STK24: variants seen among roughly 807,000 people sequenced by gnomAD.
STK24 encodes serine/threonine kinase 24.
STK24 carries 21 observed loss-of-function variants against 55.6 expected under a neutral mutation model. The ratio of observed to expected loss-of-function variants is 0.38; its 90% CI spans 0.27 to 0.54. The LOEUF (loss-of-function observed/expected upper bound fraction) is 0.54, where lower values mean the gene tolerates loss of function less well. STK24 is among the 20% of genes least tolerant of loss of function. The pLI is 0.79. For missense variants in STK24, 383 were observed against 538.4 expected (o/e 0.71, Z 2.86); for synonymous variants, 200 against 215.2 (o/e 0.93, Z 0.62).
chr13:98,464,262 A>G (rs1417877555), intron 6 of STK24, among the ~76,000 whole-genome samples: 1 of 151,708 alleles, frequency 6.6e-6, no homozygotes, highest in Non-Finnish European at 1.5e-5. Context: ...CTAAAAATAC[A>G]AAAAAATTTA....
At chr13:98,532,805 G>T (rs888890745) in intron 1 of STK24, among the ~76,000 whole-genome samples, 1 of 152,146 alleles carries the variant, frequency 6.6e-6, no homozygotes, top group African/African-American at 2.4e-5. Flanking sequence ...TTACTACAAT[G>T]TAAGTTCTTC....
At chr13:98,500,527 T>C (rs1435225866) in intron 2 of STK24, among the ~76,000 whole-genome samples, 3 of 152,330 alleles carry the variant, frequency 2.0e-5, no homozygotes, top group African/African-American at 7.2e-5. Context: ...CTAAACCTGA[T>C]GCGTCCAAAC....
chr13:98,517,399 G>A (rs1358019357), intron 2 of STK24, among the ~76,000 whole-genome samples: 1 of 152,178 alleles, frequency 6.6e-6, no homozygotes, highest in Non-Finnish European at 1.5e-5. Flanking sequence ...GCTGAGGCAG[G>A]TGGATCACCT....
chr13:98,465,824 A>G (rs1893907179), intron 6 of STK24, among the ~76,000 whole-genome samples: 1 of 152,222 alleles, frequency 6.6e-6, no homozygotes, highest in Admixed American at 6.5e-5. Flanking sequence ...CCTAATTCAG[A>G]CAGAAAATGA....
chr13:98,555,299 C>T (rs1220502035), intron 1 of STK24, among the ~76,000 whole-genome samples: 5 of 151,776 alleles, frequency 3.3e-5, no homozygotes, highest in African/African-American at 7.3e-5. Context: ...AACTCACTCT[C>T]GGCCAGGCAC....
At chr13:98,485,103 T>C (rs1044979186) in intron 2 of STK24, among the ~76,000 whole-genome samples, 3 of 152,168 alleles carry the variant, frequency 2.0e-5, no homozygotes, top group South Asian at 2.1e-4. Flanking sequence ...TTCAACCTCA[T>C]TGGGTGTGTC....
chr13:98,469,331 T>C (rs967624666), intron 5 of STK24, among the ~76,000 whole-genome samples: 6 of 152,138 alleles, frequency 3.9e-5, no homozygotes, highest in African/African-American at 1.2e-4. Flanking sequence ...GGCAGATCAC[T>C]TGAAGCCAGG....
chr13:98,469,638 C>T (rs557568318), intron 5 of STK24, among the ~76,000 whole-genome samples: 2 of 152,082 alleles, frequency 1.3e-5, no homozygotes, highest in Non-Finnish European at 2.9e-5. Flanking sequence ...CTCTTTGGAC[C>T]CTCCTAAATC....
intron 1 of STK24, among the ~76,000 whole-genome samples, chr13:98,571,295 C>A (rs998539462): frequency 2.0e-5 from 3 of 152,154 alleles, no homozygotes; most frequent in African/African-American, 7.2e-5. Context: ...CCACATTAGG[C>A]AGCTCAGCTC....
rs1439301141 is a variant in STK24, at chr13:98,446,819, T to A, written c.*6354A>T. On this transcript the variant is annotated 3_prime_UTR_variant, in exon 11 of 11. Transcript: ENST00000539966. ...GGAAAGCGAGTACACGTTCGAAAGG[T>A]AGACACCCCCTTCCCACGCACAGGG... 6.2e-7 allele frequency: 1 copy of A among 1,613,724 alleles called. No individual in the cohort carries two copies.
At chr13:98,570,054 T>A (rs1427280210) in intron 1 of STK24, among the ~76,000 whole-genome samples, 2 of 151,930 alleles carry the variant, frequency 1.3e-5, no homozygotes, top group Non-Finnish European at 2.9e-5. Flanking sequence ...TTTTTTTGTA[T>A]TTTTAGTAGA....
At position 98,503,677 on chromosome 13, in the gene STK24, C is replaced by T. The variant is rs1421488280; in HGVS notation, c.273+15566G>A. ...CACACTAGGCAGAGCCTTACAAGGGCACTGCTTCCAAGTGTGACTGTGAGC... is the reference window on the plus strand; with the variant it reads ...CACACTAGGCAGAGCCTTACAAGGGTACTGCTTCCAAGTGTGACTGTGAGC... On this transcript the variant is annotated intron_variant, in intron 2 of 10. Coordinates refer to ENST00000539966, the MANE Select transcript of STK24 (RefSeq NM_001032296.4). 5.3e-5 allele frequency among the ~76,000 whole-genome samples: 8 copies of T among 152,226 alleles called. No individual in the cohort carries two copies. The South Asian group carries it at 1.0e-3, about 20-fold the overall frequency.
rs1389384690 is a variant in STK24, at chr13:98,451,436, A to T, written c.*1737T>A. 6.6e-6 allele frequency: 1 copy of T among 152,204 alleles called. No homozygotes were observed. The highest frequency in any genetic ancestry group is 2.4e-5 in the African/African-American group (1 of 41,444). 9.4% of individuals were successfully genotyped at this position (152,204 alleles called of 1,614,324 possible). A position where few individuals can be genotyped will look rare whatever the true frequency, so the allele number is the denominator to read the frequency against. On this transcript the variant is annotated 3_prime_UTR_variant, in exon 11 of 11. Transcript: ENST00000539966. ...ATTAGCAACTCAGTTCTATTTCCCC[A>T]ACCAAAATATATCCCTTATACAAAT...
chr13:98,567,819 T>C (rs1464142838), intron 1 of STK24, among the ~76,000 whole-genome samples: 1 of 151,792 alleles, frequency 6.6e-6, no homozygotes, highest in Non-Finnish European at 1.5e-5. Context: ...AGCATCTAAT[T>C]GGGTCAATCC....
intron 1 of STK24, among the ~76,000 whole-genome samples, chr13:98,571,465 G>A (rs1227079881): frequency 2.0e-5 from 3 of 152,022 alleles, no homozygotes; most frequent in Non-Finnish European, 4.4e-5. Flanking sequence ...GCTTTTATGT[G>A]ACATGCTATC....
At position 98,446,165 on chromosome 13, in the gene STK24, T is replaced by G; in HGVS notation, c.*7008A>C. On this transcript the variant is annotated 3_prime_UTR_variant, in exon 11 of 11. Transcript: ENST00000539966. ...AACGGGTGGCAGAAGCTGTGGGTGG[T>G]GTTCACAAACTTCTGCCTGTTCTTC... 1.2e-6 allele frequency: 2 copies of G among 1,613,972 alleles called. No homozygotes were observed. The highest frequency in any genetic ancestry group is 2.2e-5 in the South Asian group (2 of 91,064).
At chr13:98,459,917 G>GAGGCCCAGCTGGGAGCACAGC in intron 9 of STK24, among the ~76,000 whole-genome samples, 1 of 152,348 alleles carries the variant, frequency 6.6e-6, no homozygotes, top group Non-Finnish European at 1.5e-5. Context: ...TGGGCGTGGG[G>GAGGCCCAGCTGGGAGCACAGC]AGGCCCAGCT....
chr13:98,451,322 A>C lies in STK24; in HGVS notation c.*1851T>G, dbSNP rs1253584309. On this transcript the variant is annotated 3_prime_UTR_variant, in exon 11 of 11. Transcript: ENST00000539966. The stretch of plus-strand genomic sequence containing the variant: ...CACGTAAGGAAACAGTTCCCCACAC[A>C]GAATACTCCCTGGAAACACAAAATG... The C allele has an allele frequency of 6.6e-6, 1 of 152,226 alleles. No individual in the cohort carries two copies. Among genetic ancestry groups the C allele is most frequent in the Admixed American group, 6.5e-5 (1 of 15,286 alleles). 9.4% of individuals were successfully genotyped at this position (152,226 alleles called of 1,614,324 possible).
At chr13:98,471,713 G>T (rs1894153232) in intron 5 of STK24, among the ~76,000 whole-genome samples, 1 of 152,226 alleles carries the variant, frequency 6.6e-6, no homozygotes, top group East Asian at 1.9e-4. Context: ...GCTCAAAAAG[G>T]TTCCAAACAT....
Sources: allele counts gnomAD v4.1 joint callset (sites outside exome capture counted in the v4.1 genomes callset), GRCh38; gene constraint gnomAD v4.1.1; transcripts MANE v1.5; gene names NCBI Gene and HGNC (gene_info 2026-07-23, HGNC 2026-07-21).